The following CTNNA3 variants were observed in gnomAD, a reference collection of about 807,000 sequenced individuals.
CTNNA3 encodes the protein catenin alpha 3.
CTNNA3 carries 76 observed loss-of-function variants against 95.7 expected under a neutral mutation model. The ratio of observed to expected loss-of-function variants is 0.79; its 90% CI spans 0.66 to 0.96. The LOEUF (loss-of-function observed/expected upper bound fraction) is 0.96. Among genes scored for constraint, CTNNA3 ranks in the 40% least tolerant of loss-of-function variants. The pLI, the probability that CTNNA3 is intolerant of heterozygous loss-of-function variation, is 0.00. For synonymous variants in CTNNA3, 431 were observed against 374.4 expected (o/e 1.15, Z -1.74); for missense variants, 1,191 against 1,089.8 (o/e 1.09, Z -1.31).
At chr10:66,676,775 G>A (rs1846871597) in intron 9 of CTNNA3, among the ~76,000 whole-genome samples, 1 of 152,120 alleles carries the variant, frequency 6.6e-6, no homozygotes, top group African/African-American at 2.4e-5. Context: ...AAAAAAGCAA[G>A]CTACAGCAAG....
intron 13 of CTNNA3, among the ~76,000 whole-genome samples, chr10:66,183,625 T>C (rs1340742011): frequency 1.3e-5 from 2 of 152,252 alleles, no homozygotes; most frequent in Non-Finnish European, 2.9e-5. Context: ...AATGTTTCTA[T>C]GAATGTTTTT....
chr10:66,753,410 C>A (rs1839237654), intron 9 of CTNNA3, among the ~76,000 whole-genome samples: 2 of 152,040 alleles, frequency 1.3e-5, no homozygotes, highest in Admixed American at 6.6e-5. Context: ...TACCTGTAAT[C>A]CCAGCACTTT....
intron 1 of CTNNA3, among the ~76,000 whole-genome samples, chr10:67,672,491 A>G (rs910036569): frequency 6.6e-6 from 1 of 152,128 alleles, no homozygotes; most frequent in African/African-American, 2.4e-5. Flanking sequence ...TTATGGTTTT[A>G]GGTCTAACAT....
intron 8 of CTNNA3, 24 bp from the exon 9 acceptor site, chr10:66,766,440 GT>G (rs761652912): frequency 5.1e-4 from 741 of 1,449,596 alleles, no homozygotes; most frequent in South Asian, 1.1e-3. Flanking sequence ...AAAAATTCAG[GT>G]TTTTTTTTTC....
intron 1 of CTNNA3, among the ~76,000 whole-genome samples, chr10:67,744,853 T>C (rs1355248052): frequency 6.6e-6 from 1 of 151,956 alleles, no homozygotes; most frequent in Non-Finnish European, 1.5e-5. Flanking sequence ...GATATGAACA[T>C]GAACAGACAT....
At chr10:66,884,652 T>C (rs1366526207) in intron 7 of CTNNA3, among the ~76,000 whole-genome samples, 1 of 152,090 alleles carries the variant, frequency 6.6e-6, no homozygotes, top group Non-Finnish European at 1.5e-5. Flanking sequence ...CAGAGCTAAG[T>C]TGCTTCAGAA....
chr10:66,119,988 GAGA>G (rs2082506927), intron 13 of CTNNA3, among the ~76,000 whole-genome samples: 1 of 152,100 alleles, frequency 6.6e-6, no homozygotes, highest in Admixed American at 6.6e-5. Flanking sequence ...ATGGTCAATG[GAGA>G]AGGATGTGGA....
intron 7 of CTNNA3, among the ~76,000 whole-genome samples, chr10:66,924,740 A>C (rs1314226458): frequency 6.6e-6 from 1 of 152,264 alleles, no homozygotes; most frequent in African/African-American, 2.4e-5. Flanking sequence ...GGCTTATTGC[A>C]TGCAACACAC....
At chr10:66,616,011 T>C (rs572544741) in intron 10 of CTNNA3, among the ~76,000 whole-genome samples, 1 of 152,152 alleles carries the variant, frequency 6.6e-6, no homozygotes, top group African/African-American at 2.4e-5. Flanking sequence ...AGTCACTTGT[T>C]AAAGTGGAGC....
intron 7 of CTNNA3, among the ~76,000 whole-genome samples, chr10:66,993,706 A>C (rs928959257): frequency 6.6e-6 from 1 of 151,922 alleles, no homozygotes; most frequent in Admixed American, 6.6e-5. Context: ...AAAAAAAAAA[A>C]AAACAGATAA....
At chr10:66,253,649 T>C (rs10762041) in intron 13 of CTNNA3, among the ~76,000 whole-genome samples, 6 of 152,036 alleles carry the variant, frequency 3.9e-5, no homozygotes, top group African/African-American at 1.4e-4. Context: ...TCTTTCACAA[T>C]AGTTTTGCAT....
intron 10 of CTNNA3, among the ~76,000 whole-genome samples, chr10:66,601,712 T>C (rs1161135581): frequency 1.3e-5 from 2 of 151,860 alleles, no homozygotes; most frequent in African/African-American, 4.8e-5. Flanking sequence ...AACGCAGCCT[T>C]AGAACAGAAA....
intron 15 of CTNNA3, among the ~76,000 whole-genome samples, chr10:66,009,310 TA>T (rs961478312): frequency 2.0e-5 from 3 of 152,088 alleles, no homozygotes; most frequent in African/African-American, 4.8e-5. Context: ...GTTTATTTTA[TA>T]AAAAAATTAA....
intron 7 of CTNNA3, among the ~76,000 whole-genome samples, chr10:66,957,393 CATATAT>C (rs10532386): frequency 0.066 from 5,437 of 82,812 alleles, 396 homozygotes; most frequent in African/African-American, 0.24. Context: ...TATATATATA[CATATAT>C]ATATATATAT....
intron 5 of CTNNA3, among the ~76,000 whole-genome samples, chr10:67,479,582 A>G (rs559954423): frequency 9.9e-5 from 15 of 152,164 alleles, no homozygotes; most frequent in Non-Finnish European, 1.9e-4. Context: ...AATTTTGGGG[A>G]TGCAGCAAAA....
intron 5 of CTNNA3, among the ~76,000 whole-genome samples, chr10:67,451,134 G>A (rs1446397161): frequency 6.6e-6 from 1 of 151,944 alleles, no homozygotes; most frequent in Non-Finnish European, 1.5e-5. Context: ...GATAAGTTTG[G>A]CCCCCACTTT....
rs562048450 is a variant in CTNNA3 at position 66,920,677 on chromosome 10, A to C, written c.1048-145153T>G. The stretch of plus-strand genomic sequence containing the variant: ...AACTAAAGTCTCATAAAAATGAAGG[A>C]AAGCAAGAGCCAAATCCAGATTTAA... On this transcript the variant is annotated intron_variant, in intron 7 of 17. Transcript: ENST00000433211. Among the ~76,000 whole-genome samples, 3 of 152,360 alleles carry C rather than the reference A, an allele frequency of 2.0e-5. No homozygotes were observed. The South Asian group carries it at 6.2e-4, about 32-fold the overall frequency.
intron 5 of CTNNA3, among the ~76,000 whole-genome samples, chr10:67,279,169 AAACCTAG>A (rs1207743807): frequency 6.6e-6 from 1 of 152,176 alleles, no homozygotes; most frequent in Non-Finnish European, 1.5e-5. Flanking sequence ...GTCAGTCATA[AAACCTAG>A]AGTCTAAGCA....
intron 11 of CTNNA3, among the ~76,000 whole-genome samples, chr10:66,446,297 A>T (rs1329398459): frequency 1.3e-5 from 2 of 152,164 alleles, no homozygotes; most frequent in Non-Finnish European, 2.9e-5. Context: ...CAATAGAAAA[A>T]GAGGGAATCC....
Sources: gnomAD v4.1 joint callset for allele counts (sites outside exome capture counted in the v4.1 genomes callset) on GRCh38, gnomAD v4.1.1 for gene constraint, MANE v1.5 for transcripts, NCBI Gene and HGNC (gene_info 2026-07-23, HGNC 2026-07-21) for gene names.